PTPRG: variants seen among roughly 807,000 people sequenced by gnomAD.
PTPRG encodes protein tyrosine phosphatase receptor type G.
PTPRG carries 102 observed loss-of-function variants against 165.3 expected under a neutral mutation model. The observed-to-expected ratio is 0.62, with a 90% CI of 0.53 to 0.73. PTPRG has a LOEUF of 0.73. PTPRG is among the 30% of genes least tolerant of loss of function. PTPRG has a pLI of 0.00. For synonymous variants in PTPRG, 675 were observed against 669.5 expected, an observed-to-expected ratio of 1.01 and a Z score of -0.13; for missense variants, 1,866 against 1,861.4, an observed-to-expected ratio of 1.00 and a Z score of -0.05.
At chr3:61,815,886 G>T (rs1402491476) in intron 2 of PTPRG, among the ~76,000 whole-genome samples, 1 of 152,148 alleles carries the variant, frequency 6.6e-6, no homozygotes, top group Non-Finnish European at 1.5e-5. Flanking sequence ...GGAAATTCTA[G>T]AATGGACCTC....
chr3:62,081,628 A>G (rs1166008511), intron 5 of PTPRG, among the ~76,000 whole-genome samples: 1 of 152,230 alleles, frequency 6.6e-6, no homozygotes, highest in East Asian at 1.9e-4. Context: ...TATAGGCGTC[A>G]GCCACTGCGC....
chr3:61,632,919 CCTT>C (rs1701808375), intron 1 of PTPRG, among the ~76,000 whole-genome samples: 2 of 152,284 alleles, frequency 1.3e-5, no homozygotes, highest in Non-Finnish European at 2.9e-5. Context: ...CCAGGACTAG[CCTT>C]CTTGCTTACC....
intron 1 of PTPRG, among the ~76,000 whole-genome samples, chr3:61,666,103 G>C (rs1702806228): frequency 6.6e-6 from 1 of 151,938 alleles, no homozygotes; most frequent in African/African-American, 2.4e-5. Context: ...TGACTATTGA[G>C]TTTGGCCAGA....
intron 1 of PTPRG, among the ~76,000 whole-genome samples, chr3:61,736,752 C>G (rs2032739082): frequency 6.6e-6 from 1 of 152,178 alleles, no homozygotes; most frequent in South Asian, 2.1e-4. Context: ...TGTTTCTGCT[C>G]TTGCCCGCCT....
At chr3:62,074,352 CTTTTTTT>C (rs200189646) in intron 4 of PTPRG, among the ~76,000 whole-genome samples, 4 of 109,114 alleles carry the variant, frequency 3.7e-5, no homozygotes, top group Admixed American at 3.0e-4. Context: ...TCTTTTCTTT[CTTTTTTT>C]TTTTTTTTTT....
In PTPRG at chr3:62,152,196, T is replaced by C. The variant is rs74459987; in HGVS notation, c.683-4871T>C. Among the ~76,000 whole-genome samples, 1,505 of 151,570 alleles carry C rather than the reference T, an allele frequency of 9.9e-3. 28 individuals carry two copies. The highest frequency in any genetic ancestry group is 0.035 in the African/African-American group (1,431 of 41,126). On this transcript the variant is annotated intron_variant, in intron 6 of 29. Coordinates refer to ENST00000474889, the MANE Select transcript of PTPRG (RefSeq NM_002841.4). ...GCTTGGGCAACACAGCAAGACCTCA[T>C]GTCTACTAATTTTTTTTTTTTTTTA...
At position 62,195,098 on chromosome 3, in the gene PTPRG, T is replaced by C; in HGVS notation, c.1255T>C (p.Tyr419His). Residue 419 changes from tyrosine (Y) to histidine (H), a missense_variant, in exon 10 of 30, where the codon TAC becomes CAC. This residue lies in a region of PTPRG where 1,452 missense variants were observed against 1,463.0 expected (regional missense o/e 0.99). Transcript: ENST00000474889. The surrounding 1 kb of genome is among the most constrained non-coding windows in gnomAD (Gnocchi z 4.4). ...TAGCCATGTCTCACCCGATAGCCTT[T>C]ACCTGTTCCGAGTCCAGGCCGTGTG... ...TISHVSPDSL[Y>H]LFRVQAVCRN... is the part of the protein sequence containing the mutation. 1.9e-6 allele frequency: 3 copies of C among 1,614,246 alleles called. No homozygotes were observed. Among genetic ancestry groups the C allele is most frequent in the Non-Finnish European group, 2.5e-6 (3 of 1,180,038 alleles).
intron 1 of PTPRG, among the ~76,000 whole-genome samples, chr3:61,569,434 C>A (rs1700003257): frequency 6.6e-6 from 1 of 152,182 alleles, no homozygotes; most frequent in East Asian, 1.9e-4. Flanking sequence ...TAGTGCTGTG[C>A]ATGGTAAACA....
intron 2 of PTPRG, among the ~76,000 whole-genome samples, chr3:61,823,509 G>C (rs1225159967): frequency 6.6e-6 from 1 of 151,762 alleles, no homozygotes; most frequent in African/African-American, 2.4e-5. Context: ...TTAATTAGTG[G>C]AATCATATTG....
At chr3:61,606,516 T>C (rs980241365) in intron 1 of PTPRG, among the ~76,000 whole-genome samples, 1 of 152,244 alleles carries the variant, frequency 6.6e-6, no homozygotes, top group African/African-American at 2.4e-5. Context: ...ACAGAGCTTA[T>C]TTCTAAGGAG....
intron 10 of PTPRG, among the ~76,000 whole-genome samples, chr3:62,196,889 CCAGCAG>C (rs140751673): frequency 0.011 from 1,615 of 152,148 alleles, 11 homozygotes; most frequent in Middle Eastern, 0.092. Flanking sequence ...GAGTTGTGGA[CCAGCAG>C]CAGCAGCAGC....
chr3:62,169,023 C>T (rs975088730), intron 8 of PTPRG, among the ~76,000 whole-genome samples: 1 of 152,164 alleles, frequency 6.6e-6, no homozygotes, highest in African/African-American at 2.4e-5. Flanking sequence ...TCCTTCTCTT[C>T]TCCCTGCCAC....
At chr3:61,899,498 C>T (rs1397818399) in intron 2 of PTPRG, among the ~76,000 whole-genome samples, 2 of 152,216 alleles carry the variant, frequency 1.3e-5, no homozygotes, top group African/African-American at 4.8e-5. Flanking sequence ...TTAAAAGGCC[C>T]CTTCAGGAGA....
At chr3:61,982,148 G>A (rs1387023382) in intron 2 of PTPRG, among the ~76,000 whole-genome samples, 5 of 152,186 alleles carry the variant, frequency 3.3e-5, no homozygotes, top group African/African-American at 1.2e-4. Context: ...TGACTATTTG[G>A]GGGTGTACCT....
intron 4 of PTPRG, among the ~76,000 whole-genome samples, chr3:62,047,369 C>G (rs546419185): frequency 6.6e-6 from 1 of 152,226 alleles, no homozygotes; most frequent in South Asian, 2.1e-4. Context: ...AAGCAATTCT[C>G]ATGCTTCAGC....
chr3:62,273,861 G>C lies in PTPRG; in HGVS notation c.3465+17G>C, dbSNP rs1218104525. 1 of 1,610,318 alleles carries C rather than the reference G, an allele frequency of 6.2e-7. No homozygotes were observed. The highest frequency in any genetic ancestry group is 8.5e-7 in the Non-Finnish European group (1 of 1,177,562). The stretch of plus-strand genomic sequence containing the variant: ...CAATTCAAGGTAGTGCTTTGAAAAA[G>C]TTTCTTTGGCATAAAGCAAGAAAAT... On this transcript the variant is annotated intron_variant, in intron 23 of 29. Transcript: ENST00000474889. This position sits in a 1 kb window ranked among gnomAD's most constrained non-coding sequence, Gnocchi z 4.1.
At chr3:61,749,595 AAAAATG>A (rs1333060819) in intron 2 of PTPRG, 8 of 154,878 alleles carry the variant, frequency 5.2e-5, no homozygotes, top group Admixed American at 1.3e-4. Flanking sequence ...TTAAGGGGAC[AAAAATG>A]AAGACCGAAA....
chr3:61,621,646 T>A (rs1701461150), intron 1 of PTPRG, among the ~76,000 whole-genome samples: 1 of 152,220 alleles, frequency 6.6e-6, no homozygotes, highest in South Asian at 2.1e-4. Flanking sequence ...ACACAGTATT[T>A]TCCAAATATA....
intron 8 of PTPRG, among the ~76,000 whole-genome samples, chr3:62,172,959 A>G (rs1202631502): frequency 6.6e-6 from 1 of 152,166 alleles, no homozygotes; most frequent in Admixed American, 6.5e-5. Context: ...GTTAAGGGCC[A>G]GATAGTAAAT....
Sources: gnomAD v4.1 joint callset for allele counts (sites outside exome capture counted in the v4.1 genomes callset) on GRCh38, gnomAD v4.1.1 for gene constraint, gnomAD v4.1.1 regional missense constraint, Gnocchi (gnomAD v3.1) non-coding constraint, MANE v1.5 for transcripts, NCBI Gene and HGNC (gene_info 2026-07-23, HGNC 2026-07-21) for gene names.